Variants in IQSEC1 observed in about 807,000 individuals in gnomAD.
IQSEC1 encodes IQ motif and SEC7 domain-containing protein 1.
In IQSEC1, 31 loss-of-function variants were observed where a neutral mutation model predicts 91.0. That is an observed-to-expected ratio of 0.34 (90% confidence interval 0.26 to 0.46). The LOEUF (loss-of-function observed/expected upper bound fraction) is 0.46. Among genes scored for constraint, IQSEC1 ranks in the 20% least tolerant of loss-of-function variants. The pLI is 1.00. For synonymous variants in IQSEC1, 699 were observed against 662.6 expected (o/e 1.05, Z -0.84); for missense variants, 1,388 against 1,575.6 (o/e 0.88, Z 2.02).
At chr3:13,019,486 C>G (rs547327357) in intron 1 of IQSEC1, among the ~76,000 whole-genome samples, 5 of 152,376 alleles carry the variant, frequency 3.3e-5, no homozygotes, top group African/African-American at 1.2e-4. Context: ...GCAGCTCCGC[C>G]TTGGGCCACA....
chr3:13,105,755 A>C (rs1479416478), intron 2 of IQSEC1, among the ~76,000 whole-genome samples: 2 of 152,134 alleles, frequency 1.3e-5, no homozygotes, highest in East Asian at 3.9e-4. Flanking sequence ...AGTAGCCATG[A>C]GACTGAATTC....
chr3:12,931,895 T>C (rs1002593651), intron 3 of IQSEC1, among the ~76,000 whole-genome samples: 3 of 152,176 alleles, frequency 2.0e-5, no homozygotes, highest in African/African-American at 7.2e-5. Flanking sequence ...CTTAGCCAAG[T>C]AGTCCAACCA....
rs542551965 is a variant in IQSEC1 at position 13,112,981 on chromosome 3, C to T, written c.302+51123G>A. ...TGCTGTGATTAAAAAGCGGCTGGCG[C>T]ATCATAAACTCACTGTGAGCATCAG... On this transcript the variant is annotated intron_variant, in intron 2 of 15. Coordinates refer to the IQSEC1 transcript ENST00000648114. 1.8e-3 allele frequency among the ~76,000 whole-genome samples: 275 copies of T among 152,348 alleles called. 1 individual carries two copies. Among genetic ancestry groups the T allele is most frequent in the Middle Eastern group, 6.8e-3 (2 of 294 alleles).
intron 1 of IQSEC1, among the ~76,000 whole-genome samples, chr3:13,061,574 A>G (rs1705069573): frequency 6.6e-6 from 1 of 152,110 alleles, no homozygotes; most frequent in African/African-American, 2.4e-5. Flanking sequence ...CAGAGCCCCT[A>G]ACATACCGAG....
intron 1 of IQSEC1, among the ~76,000 whole-genome samples, chr3:13,236,226 G>A (rs1477052213): frequency 6.6e-6 from 1 of 152,076 alleles, no homozygotes; most frequent in Non-Finnish European, 1.5e-5. Flanking sequence ...CTGCACTCAG[G>A]TGGGCGTGTG....
At chr3:12,954,425 G>A (rs1390320340) in intron 1 of IQSEC1, among the ~76,000 whole-genome samples, 2 of 152,206 alleles carry the variant, frequency 1.3e-5, no homozygotes, top group Admixed American at 1.3e-4. Context: ...GGAGCCCAGG[G>A]CTGGGAGAGG....
intron 2 of IQSEC1, among the ~76,000 whole-genome samples, chr3:13,080,348 G>A (rs1705629398): frequency 2.0e-5 from 3 of 152,062 alleles, no homozygotes; most frequent in Non-Finnish European, 2.9e-5. Flanking sequence ...GGTGGGAGAG[G>A]AGAGATGGGG....
chr3:12,920,273 C>T (rs1304977617), intron 6 of IQSEC1, among the ~76,000 whole-genome samples, 157 bp downstream of exon 6: 1 of 152,224 alleles, frequency 6.6e-6, no homozygotes, highest in African/African-American at 2.4e-5. Flanking sequence ...TTCCAGTCAT[C>T]TGTGCTCCCC....
intron 2 of IQSEC1, among the ~76,000 whole-genome samples, chr3:13,116,268 T>G (rs940199853): frequency 2.0e-5 from 3 of 152,148 alleles, no homozygotes; most frequent in Non-Finnish European, 4.4e-5. Flanking sequence ...GAGCTATATG[T>G]GGGGGCCAGA....
intron 1 of IQSEC1, among the ~76,000 whole-genome samples, chr3:13,044,914 T>C (rs1181670471): frequency 2.0e-5 from 3 of 152,242 alleles, no homozygotes; most frequent in South Asian, 2.1e-4. Flanking sequence ...AGAGTTCTGG[T>C]AGCAGCGGGG....
At chr3:13,150,903 A>C (rs1284021353) in intron 2 of IQSEC1, among the ~76,000 whole-genome samples, 1 of 152,192 alleles carries the variant, frequency 6.6e-6, no homozygotes, top group Non-Finnish European at 1.5e-5. Flanking sequence ...CTGGCATTTC[A>C]GTGTGAAAGC....
At chr3:13,235,680 G>T (rs1353811291) in intron 1 of IQSEC1, among the ~76,000 whole-genome samples, 1 of 152,162 alleles carries the variant, frequency 6.6e-6, no homozygotes, top group African/African-American at 2.4e-5. Context: ...GGAAGAACAA[G>T]ATCCTTGTGG....
chr3:13,252,035 T>C (rs1695201749), intron 1 of IQSEC1, among the ~76,000 whole-genome samples: 1 of 152,194 alleles, frequency 6.6e-6, no homozygotes, highest in Admixed American at 6.5e-5. Context: ...TTTATTGTGG[T>C]AAACTACACA....
chr3:13,070,852 A>G (rs1261704803), intron 1 of IQSEC1, among the ~76,000 whole-genome samples: 1 of 152,258 alleles, frequency 6.6e-6, no homozygotes, highest in Non-Finnish European at 1.5e-5. Flanking sequence ...AGACGAGCTT[A>G]TTCCAGGAAT....
rs1242629609 is a variant in IQSEC1 at position 12,936,420 on chromosome 3, T to C, written c.596A>G (p.Glu199Gly). Reference protein sequence around the residue: ...GSQLGALVSPECGDLSEPTTL... With the variant: ...GSQLGALVSPGCGDLSEPTTL... ...GGTGGGCTCGCTGAGGTCACCACAC[T>C]CAGGGGACACCAGGGCTCCCAGCTG... Residue 199 changes from glutamate to glycine, a missense_variant, in exon 3 of 14, where the codon GAG becomes GGG. This residue lies in a region of IQSEC1 where 1,059 missense variants were observed against 1,317.8 expected (regional missense o/e 0.80). Coordinates refer to ENST00000613206, the MANE Select transcript of IQSEC1 (RefSeq NM_001134382.3). 1 of 1,599,632 alleles carries C rather than the reference T, an allele frequency of 6.3e-7. No homozygotes were observed. The highest frequency in any genetic ancestry group is 8.5e-7 in the Non-Finnish European group (1 of 1,171,348).
intron 2 of IQSEC1, among the ~76,000 whole-genome samples, chr3:13,121,842 G>T (rs958071131): frequency 1.3e-5 from 2 of 152,208 alleles, no homozygotes; most frequent in Non-Finnish European, 2.9e-5. Flanking sequence ...AGACTAGGCC[G>T]CCTTGGGAGC....
At chr3:13,135,830 C>T (rs1345237330) in intron 2 of IQSEC1, among the ~76,000 whole-genome samples, 1 of 152,158 alleles carries the variant, frequency 6.6e-6, no homozygotes, top group African/African-American at 2.4e-5. Flanking sequence ...GGAAGGCTGT[C>T]GAGGGCCCTA....
intron 1 of IQSEC1, among the ~76,000 whole-genome samples, chr3:13,221,638 C>T (rs886772188): frequency 1.8e-4 from 28 of 152,170 alleles, no homozygotes; most frequent in Admixed American, 5.9e-4. Context: ...CAGGAACAGA[C>T]GCCTGGAGCC....
At chr3:13,227,061 G>A (rs1268525975) in intron 1 of IQSEC1, among the ~76,000 whole-genome samples, 1 of 151,970 alleles carries the variant, frequency 6.6e-6, no homozygotes, top group South Asian at 2.1e-4. Flanking sequence ...CAGCCTGGGG[G>A]ACAGAGATAC....
Sources: gnomAD v4.1 joint callset for allele counts (sites outside exome capture counted in the v4.1 genomes callset) on GRCh38, gnomAD v4.1.1 for gene constraint, gnomAD v4.1.1 regional missense constraint, MANE v1.5 for transcripts, NCBI Gene and HGNC (gene_info 2026-07-23, HGNC 2026-07-21) for gene names.